The following TMEM35A variants were observed in gnomAD, a reference collection of about 807,000 sequenced individuals.
TMEM35A encodes transmembrane protein 35A, also known as nicotinic acetylcholine receptor chaperone.
For synonymous variants in TMEM35A, 50 were observed against 54.7 expected (o/e 0.91, Z 0.38); for missense variants, 83 against 132.7 (o/e 0.63, Z 1.84).
rs2089336224 is a variant in TMEM35A at position 101,095,304 on chromosome X, TGTGTGTGCGCGCGCGCGC to T, written c.*350_*367del. On this transcript the variant is annotated 3_prime_UTR_variant, in exon 2 of 2. Coordinates refer to ENST00000372930, the MANE Select transcript of TMEM35A (RefSeq NM_021637.3). ...TAACTACTCTGTGTGTGTGTGTGTG[TGTGTGTGCGCGCGCGCGC>T]GCACGCGCACACACTCACGCACACA... 1 of 103,958 alleles carries T rather than the reference TGTGTGTGCGCGCGCGCGC, an allele frequency of 9.6e-6. No homozygotes were observed. The highest frequency in any genetic ancestry group is 1.2e-4 in the Admixed American group (1 of 8,510). The allele number at this position is 103,958 out of a possible 1,213,427, so 8.6% of individuals were successfully genotyped here. A position where few individuals can be genotyped will look rare whatever the true frequency, so the allele number is the denominator to read the frequency against.
At chrX:101,081,702 C>T (rs965749998) in intron 1 of TMEM35A, 2 of 112,140 alleles carry the variant, frequency 1.8e-5, no homozygotes, top group African/African-American at 6.5e-5. Context: ...GTATTGACTG[C>T]AGTGGCATTT....
At position 101,096,202 on chromosome X, in the gene TMEM35A, G is replaced by C. The variant is rs1348641107; in HGVS notation, c.*1246G>C. ...TGTTTTTCCTTGTTAGGTGTGCTTT[G>C]GTGGTTTTAATATTATTGTGCCAGG... On this transcript the variant is annotated 3_prime_UTR_variant, in exon 2 of 2. Coordinates refer to ENST00000372930, the MANE Select transcript of TMEM35A (RefSeq NM_021637.3). The C allele has an allele frequency of 9.0e-6, 1 of 111,507 alleles. No homozygotes were observed. The highest frequency in any genetic ancestry group is 3.3e-5 in the African/African-American group (1 of 30,569). 9.2% of individuals were successfully genotyped at this position (111,507 alleles called of 1,213,427 possible). A position where few individuals can be genotyped will look rare whatever the true frequency, so the allele number is the denominator to read the frequency against.
At chrX:101,093,906 C>T (rs1244508988) in intron 1 of TMEM35A, among the ~76,000 whole-genome samples, 1 of 111,302 alleles carries the variant, frequency 9.0e-6, no homozygotes, top group African/African-American at 3.3e-5. Context: ...GGCAAGTCAG[C>T]TCTCTGAGGC....
intron 1 of TMEM35A, among the ~76,000 whole-genome samples, chrX:101,090,201 T>G (rs993464338): frequency 9.5e-6 from 1 of 105,032 alleles, no homozygotes; most frequent in African/African-American, 3.9e-5. Flanking sequence ...CTTGCTCTGT[T>G]GCCCAGGCTG....
In TMEM35A at chrX:101,094,883, C is replaced by T. The variant is rs770229862; in HGVS notation, c.431C>T (p.Pro144Leu). ...KPEDRSSEKKPLPGNAEEQPS... is the reference protein window; with the variant it reads ...KPEDRSSEKKLLPGNAEEQPS... ...GAAGACCGGTCTTCTGAGAAGAAGCCTTTGCCAGGGAATGCTGAGGAGCAA... is the reference window on the plus strand; with the variant it reads ...GAAGACCGGTCTTCTGAGAAGAAGCTTTTGCCAGGGAATGCTGAGGAGCAA... The change falls in exon 2 of 2, where the codon CCT (proline) becomes CTT (leucine). Residue 144 changes from proline (P) to leucine (L), a missense_variant. By Grantham distance (98) the Pro-to-Leu change is moderately conservative (BLOSUM62 -3). Coordinates refer to ENST00000372930, the MANE Select transcript of TMEM35A (RefSeq NM_021637.3). 8.3e-7 allele frequency: 1 copy of T among 1,209,943 alleles called. No homozygotes were observed. The highest frequency in any genetic ancestry group is 3.0e-5 in the East Asian group (1 of 33,816).
chrX:101,092,109 C>T (rs7883955), intron 1 of TMEM35A, among the ~76,000 whole-genome samples: 7,429 of 110,729 alleles, frequency 0.067, 636 homozygotes, highest in African/African-American at 0.23. Context: ...ATAACTGACA[C>T]TTATATCCAG....
chrX:101,090,617 G>C (rs753577851), intron 1 of TMEM35A, among the ~76,000 whole-genome samples: 1 of 110,392 alleles, frequency 9.1e-6, no homozygotes, highest in Non-Finnish European at 1.9e-5. Flanking sequence ...GGATGCCTTA[G>C]AGGTACTTCA....
At chrX:101,087,338 A>T (rs913041762) in intron 1 of TMEM35A, among the ~76,000 whole-genome samples, 1 of 112,188 alleles carries the variant, frequency 8.9e-6, no homozygotes, top group African/African-American at 3.2e-5. Flanking sequence ...ATCCAAGCTT[A>T]GTCCCATCTC....
rs1401194761 is a variant in TMEM35A at position 101,094,910 on chromosome X, C to G, written c.458C>G (p.Pro153Arg). Reference sequence around the variant, plus strand: ...TTGCCAGGGAATGCTGAGGAGCAACCCTCCTTATATGAGAAGGCCCCTCAG... The same window carrying G: ...TTGCCAGGGAATGCTGAGGAGCAACGCTCCTTATATGAGAAGGCCCCTCAG... Reference protein sequence around the residue: ...KPLPGNAEEQPSLYEKAPQGK... With the variant: ...KPLPGNAEEQRSLYEKAPQGK... The change falls in exon 2 of 2, where the codon CCC becomes CGC. Residue 153 changes from proline to arginine, a missense_variant. By Grantham distance (103) the Pro-to-Arg change is moderately radical. Coordinates refer to ENST00000372930, the MANE Select transcript of TMEM35A (RefSeq NM_021637.3). 7 of 1,203,576 alleles carry G rather than the reference C, an allele frequency of 5.8e-6. No individual in the cohort carries two copies. Among genetic ancestry groups the G allele is most frequent in the Admixed American group, 2.2e-5 (1 of 45,190 alleles).
At chrX:101,080,094 G>T (rs1406872668) in intron 1 of TMEM35A, among the ~76,000 whole-genome samples, 2 of 111,727 alleles carry the variant, frequency 1.8e-5, no homozygotes, top group Non-Finnish European at 3.8e-5. Flanking sequence ...CACCCCAGCT[G>T]CTTCTCGTCG....
intron 1 of TMEM35A, 95 bp from the exon 2 acceptor site, chrX:101,094,478 G>T: frequency 1.1e-6 from 1 of 890,211 alleles, no homozygotes; most frequent in East Asian, 3.2e-5. Flanking sequence ...CCAGTGGCTG[G>T]TGTGAAAGGG....
At chrX:101,080,255 C>A (rs182450093) in intron 1 of TMEM35A, among the ~76,000 whole-genome samples, 13 of 111,243 alleles carry the variant, frequency 1.2e-4, no homozygotes, top group African/African-American at 3.9e-4. Context: ...TCACACATTG[C>A]GAGGAATTCA....
At chrX:101,085,297 G>T (rs968830114) in intron 1 of TMEM35A, among the ~76,000 whole-genome samples, 2 of 111,814 alleles carry the variant, frequency 1.8e-5, no homozygotes, top group Non-Finnish European at 1.9e-5. Flanking sequence ...AGGAAAAAAA[G>T]GTATGACTAA....
intron 1 of TMEM35A, among the ~76,000 whole-genome samples, chrX:101,090,359 G>T (rs2089320641): frequency 9.6e-6 from 1 of 104,342 alleles, no homozygotes; most frequent in Non-Finnish European, 2.0e-5. Context: ...GTAGAGACAG[G>T]GTTTCGCCAT....
In TMEM35A at chrX:101,094,574, A is replaced by G; in HGVS notation, c.122A>G (p.Lys41Arg). ...TTCCTTACAATATTCTCACTCTAGA[A>G]ACGTGCTTACAAGAGCTATGTTCGA... is the stretch of plus-strand genomic sequence containing the variant. ...RLSKDAYSEM[K>R]RAYKSYVRAL... Residue 41 changes from lysine to arginine, a missense_variant and splice_region_variant, in exon 2 of 2, where the codon AAA (lysine) becomes AGA (arginine). Physicochemically the swap from Lys to Arg is conservative, Grantham distance 26. Coordinates refer to ENST00000372930, the MANE Select transcript of TMEM35A (RefSeq NM_021637.3). 1.7e-6 allele frequency: 2 copies of G among 1,197,052 alleles called. No individual in the cohort carries two copies. Among genetic ancestry groups the G allele is most frequent in the East Asian group, 3.0e-5 (1 of 33,700 alleles).
In TMEM35A at chrX:101,079,168, G is replaced by T. The variant is rs771308232; in HGVS notation, c.120+46G>T. The T allele has an allele frequency of 1.0e-5, 12 of 1,194,695 alleles. No individual in the cohort carries two copies. The African/African-American group carries it at 1.6e-4, about 16-fold the overall frequency. ...ATGAGGAGCGCACTCCCATGGGATT[G>T]CGAGGACCTCTCCCCTTTTTTCCTT... On this transcript the variant is annotated intron_variant, in intron 1 of 1. Transcript: ENST00000372930.
At chrX:101,079,461 A>G (rs766160114) in intron 1 of TMEM35A, among the ~76,000 whole-genome samples, 61 of 111,646 alleles carry the variant, frequency 5.5e-4, no homozygotes, top group African/African-American at 1.9e-3. Flanking sequence ...CCGGGCAACC[A>G]GTATACAAGT....
chrX:101,092,540 G>A (rs938685488), intron 1 of TMEM35A, among the ~76,000 whole-genome samples: 5 of 111,326 alleles, frequency 4.5e-5, no homozygotes, highest in African/African-American at 1.6e-4. Flanking sequence ...CATAATAGGT[G>A]TACAATAAAT....
chrX:101,092,770 A>G (rs2089327777), intron 1 of TMEM35A, among the ~76,000 whole-genome samples: 1 of 110,600 alleles, frequency 9.0e-6, no homozygotes, highest in African/African-American at 3.3e-5. Flanking sequence ...CTGAGGCAGG[A>G]GAATCGCTTG....
Sources: gnomAD v4.1 joint callset for allele counts (sites outside exome capture counted in the v4.1 genomes callset) on GRCh38, gnomAD v4.1.1 for gene constraint, MANE v1.5 for transcripts, NCBI Gene and HGNC (gene_info 2026-07-23, HGNC 2026-07-21) for gene names.